CACNA2D3: variants seen among roughly 807,000 people sequenced by gnomAD.
The protein encoded by CACNA2D3 is voltage-dependent calcium channel subunit alpha-2/delta-3.
CACNA2D3 carries 60 observed loss-of-function variants against 160.6 expected under a neutral mutation model. The ratio of observed to expected loss-of-function variants is 0.37; its 90% CI spans 0.30 to 0.46. The LOEUF (loss-of-function observed/expected upper bound fraction) is 0.46, where lower values mean the gene tolerates loss of function less well. CACNA2D3 is among the 20% of genes least tolerant of loss of function. The pLI is 1.00. For missense variants in CACNA2D3, 1,205 were observed against 1,365.0 expected, an observed-to-expected ratio of 0.88 and a Z score of 1.85; for synonymous variants, 558 against 492.9, an observed-to-expected ratio of 1.13 and a Z score of -1.75.
intron 2 of CACNA2D3, among the ~76,000 whole-genome samples, chr3:54,141,820 C>T (rs1247623860): frequency 1.3e-5 from 2 of 152,156 alleles, no homozygotes; most frequent in Non-Finnish European, 2.9e-5. Context: ...TAATTTTATC[C>T]ATTCATTTAT....
chr3:54,439,639 C>T (rs1459862754), intron 4 of CACNA2D3, among the ~76,000 whole-genome samples: 6 of 152,112 alleles, frequency 3.9e-5, no homozygotes, highest in African/African-American at 9.7e-5. Flanking sequence ...GCTGTGTTTT[C>T]GTGGTGCTAC....
intron 4 of CACNA2D3, among the ~76,000 whole-genome samples, chr3:54,431,827 C>T (rs556038364): frequency 2.6e-5 from 4 of 152,148 alleles, no homozygotes; most frequent in South Asian, 2.1e-4. Flanking sequence ...AGGATGGTCT[C>T]GAACTCCTGT....
intron 13 of CACNA2D3, among the ~76,000 whole-genome samples, chr3:54,767,357 G>A (rs1702244660): frequency 6.6e-6 from 1 of 152,144 alleles, no homozygotes; most frequent in Non-Finnish European, 1.5e-5. Context: ...GAGGAAAAGA[G>A]AACTGCAAAT....
chr3:54,235,438 G>A (rs571286449), intron 2 of CACNA2D3, among the ~76,000 whole-genome samples: 27 of 152,282 alleles, frequency 1.8e-4, no homozygotes, highest in Admixed American at 1.3e-3. Flanking sequence ...CGTGGTGAGA[G>A]TAGGAGCAAA....
chr3:54,670,209 C>T (rs1398125367), intron 11 of CACNA2D3, among the ~76,000 whole-genome samples: 1 of 152,160 alleles, frequency 6.6e-6, no homozygotes, highest in Non-Finnish European at 1.5e-5. Flanking sequence ...CCTATTCTCT[C>T]CTGCCCACCC....
At chr3:54,871,728 C>G in intron 18 of CACNA2D3, 106 bp downstream of exon 18, 2 of 781,296 alleles carry the variant, frequency 2.6e-6, no homozygotes, top group South Asian at 3.3e-5. Context: ...TGAAGGGACA[C>G]CTGGCTACCA....
At chr3:54,417,504 A>G (rs556801560) in intron 4 of CACNA2D3, among the ~76,000 whole-genome samples, 1 of 151,872 alleles carries the variant, frequency 6.6e-6, no homozygotes, top group African/African-American at 2.4e-5. Context: ...GATCTTTTAC[A>G]TGGAAAGGAT....
In CACNA2D3 at chr3:54,800,838, C is replaced by T. The variant is rs143049220; in HGVS notation, c.1381-16015C>T. The stretch of plus-strand genomic sequence containing the variant: ...CTGCTAACTAATCTGGTGTGGTGGA[C>T]GGTGTGGTGCTCTTTGTAGACCTGT... On this transcript the variant is annotated intron_variant, in intron 13 of 37. Transcript: ENST00000474759. Among the ~76,000 whole-genome samples, 527 of 152,222 alleles carry T rather than the reference C, an allele frequency of 3.5e-3. 3 individuals are homozygous for T. Among genetic ancestry groups the T allele is most frequent in the African/African-American group, 0.012 (502 of 41,538 alleles).
intron 2 of CACNA2D3, among the ~76,000 whole-genome samples, chr3:54,269,948 A>C (rs1179477508): frequency 6.6e-6 from 1 of 152,230 alleles, no homozygotes; most frequent in East Asian, 1.9e-4. Flanking sequence ...AGTAGTAATC[A>C]TAATAATATT....
intron 11 of CACNA2D3, among the ~76,000 whole-genome samples, chr3:54,726,085 G>A (rs1417799158): frequency 6.6e-6 from 1 of 152,100 alleles, no homozygotes; most frequent in Non-Finnish European, 1.5e-5. Flanking sequence ...AAATCAATGT[G>A]CAGAAATCAC....
At chr3:54,161,373 T>A (rs1295596488) in intron 2 of CACNA2D3, among the ~76,000 whole-genome samples, 1 of 152,216 alleles carries the variant, frequency 6.6e-6, no homozygotes, top group Non-Finnish European at 1.5e-5. Context: ...CAATTGAGAT[T>A]AAAATATCCT....
At chr3:54,821,713 T>C (rs112873932) in intron 14 of CACNA2D3, among the ~76,000 whole-genome samples, 12,788 of 105,134 alleles carry the variant, frequency 0.12, 975 homozygotes, top group East Asian at 0.14. Flanking sequence ...TCCTTCCTTC[T>C]TTCCTCTCTC....
At chr3:54,439,308 G>GGTGTGT (rs71994824) in intron 4 of CACNA2D3, among the ~76,000 whole-genome samples, 2 of 120,630 alleles carry the variant, frequency 1.7e-5, no homozygotes, top group African/African-American at 2.8e-5. Context: ...CATAAAGGAG[G>GGTGTGT]GTGTGTGTGT....
chr3:54,616,455 A>G (rs555729286), intron 9 of CACNA2D3, among the ~76,000 whole-genome samples: 32 of 152,344 alleles, frequency 2.1e-4, no homozygotes, highest in East Asian at 1.4e-3. Context: ...GATAGAAGCC[A>G]TAGTGTTACT....
intron 4 of CACNA2D3, among the ~76,000 whole-genome samples, chr3:54,454,370 TGTAGTCA>T (rs370109349): frequency 1.3e-5 from 2 of 152,180 alleles, no homozygotes; most frequent in African/African-American, 4.8e-5. Flanking sequence ...TGTACCCCGG[TGTAGTCA>T]GTCTCCTCAC....
intron 4 of CACNA2D3, among the ~76,000 whole-genome samples, chr3:54,485,486 C>A (rs1559495108): frequency 6.6e-6 from 1 of 151,980 alleles, no homozygotes; most frequent in Non-Finnish European, 1.5e-5. Context: ...CAATCAGTGT[C>A]ATTTACACTG....
intron 2 of CACNA2D3, among the ~76,000 whole-genome samples, chr3:54,270,136 C>T (rs1702593146): frequency 6.6e-6 from 1 of 152,206 alleles, no homozygotes; most frequent in Non-Finnish European, 1.5e-5. Context: ...TCGTGTTCAG[C>T]ATTCTCCTCA....
chr3:54,540,024 G>C (rs959656948), intron 5 of CACNA2D3, among the ~76,000 whole-genome samples: 1 of 152,132 alleles, frequency 6.6e-6, no homozygotes. Flanking sequence ...CAGCCGTCTT[G>C]GAAGAGATAA....
intron 13 of CACNA2D3, among the ~76,000 whole-genome samples, chr3:54,808,286 C>T (rs1703188218): frequency 6.6e-6 from 1 of 152,100 alleles, no homozygotes; most frequent in Non-Finnish European, 1.5e-5. Flanking sequence ...GAGCTGAAAG[C>T]CATTAGAAGC....
Sources: gnomAD v4.1 joint callset for allele counts (sites outside exome capture counted in the v4.1 genomes callset) on GRCh38, gnomAD v4.1.1 for gene constraint, MANE v1.5 for transcripts, NCBI Gene and HGNC (gene_info 2026-07-23, HGNC 2026-07-21) for gene names.